Variants in AP5Z1 observed in about 807,000 individuals in gnomAD.
AP5Z1 encodes adaptor related protein complex 5 subunit zeta 1, also known as AP-5 complex subunit zeta-1.
Under a neutral mutation model 83.0 loss-of-function variants are expected in AP5Z1, and 106 were observed. The observed-to-expected ratio is 1.28, with a 90% CI of 1.09 to 1.50. AP5Z1 has a LOEUF of 1.50. AP5Z1 is among the 40% of genes most tolerant of loss of function. The pLI is 0.00. For synonymous variants in AP5Z1, 751 were observed against 514.1 expected (o/e 1.46, Z -6.23); for missense variants, 1,565 against 1,094.2 (o/e 1.43, Z -6.07).
intron 13 of AP5Z1, among the ~76,000 whole-genome samples, chr7:4,789,363 G>A (rs1361319888): frequency 6.6e-6 from 1 of 152,176 alleles, no homozygotes; most frequent in African/African-American, 2.4e-5. Flanking sequence ...GGAGCAGTTT[G>A]TCCCCCTGCT....
At chr7:4,779,221 CATAT>C (rs144468416) in intron 1 of AP5Z1, among the ~76,000 whole-genome samples, 1 of 145,186 alleles carries the variant, frequency 6.9e-6, no homozygotes, top group Non-Finnish European at 1.5e-5. Context: ...TTATGTATAA[CATAT>C]ATTAGATATA....
intron 14 of AP5Z1, 35 bp downstream of exon 14, chr7:4,789,964 G>A: frequency 6.0e-6 from 9 of 1,489,532 alleles, no homozygotes; most frequent in Non-Finnish European, 7.2e-6. Flanking sequence ...ACAGCCCTGG[G>A]CGGGTGCCTC....
At chr7:4,789,110 G>A (rs984603770) in intron 13 of AP5Z1, 159 bp downstream of exon 13, 2 of 615,066 alleles carry the variant, frequency 3.3e-6, no homozygotes, top group African/African-American at 1.9e-5. Flanking sequence ...ACATGCCACA[G>A]CCCCGGCAGG....
intron 13 of AP5Z1, 72 bp downstream of exon 13, chr7:4,789,023 G>C (rs1000364205): frequency 7.4e-7 from 1 of 1,346,938 alleles, no homozygotes; most frequent in African/African-American, 1.4e-5. Flanking sequence ...GCCAGCACTG[G>C]GGGGCCCTCT....
At chr7:4,787,561 C>A in intron 10 of AP5Z1, 73 bp from the exon 11 acceptor site, 1 of 1,509,038 alleles carries the variant, frequency 6.6e-7, no homozygotes, top group Non-Finnish European at 8.9e-7. Flanking sequence ...CTGTGGGGCC[C>A]TAGCTGGCTC....
chr7:4,788,313 A>AG lies in AP5Z1; in HGVS notation c.1595+24dup. On this transcript the variant is annotated intron_variant, in intron 12 of 16. Transcript: ENST00000649063. ...CTGAGAGGTACGGGGCCCTAGGGCC[A>AG]GGGGGCCACCAGTGGCTCAGAGAGC... The AG allele has an allele frequency of 6.4e-7, 1 of 1,562,234 alleles. No individual in the cohort carries two copies. Among genetic ancestry groups the AG allele is most frequent in the East Asian group, 2.3e-5 (1 of 42,730 alleles).
rs143100910 is a variant in AP5Z1, at chr7:4,782,352, C to T, written c.366+598C>T. On this transcript the variant is annotated intron_variant, in intron 3 of 16. Transcript: ENST00000649063. The stretch of plus-strand genomic sequence containing the variant: ...GTCCATGTCCTCCCTCCCTCTGTGT[C>T]GGGAGCAGGCCTGGGCACTCAGCGT... Among the ~76,000 whole-genome samples, 116 of 152,280 alleles carry T rather than the reference C, an allele frequency of 7.6e-4. 1 individual carries two copies. Among genetic ancestry groups the T allele is most frequent in the African/African-American group, 2.6e-3 (107 of 41,556 alleles).
intron 9 of AP5Z1, 26 bp downstream of exon 9, chr7:4,785,710 A>C (rs1436237884): frequency 6.3e-6 from 9 of 1,429,810 alleles, no homozygotes; most frequent in Non-Finnish European, 8.3e-6. Context: ...GGTGGCGCTG[A>C]CTCGGGGCTC....
chr7:4,779,890 G>A (rs1453997814), intron 1 of AP5Z1, among the ~76,000 whole-genome samples: 3 of 151,974 alleles, frequency 2.0e-5, no homozygotes, highest in East Asian at 3.9e-4. Context: ...TGATCAGCCC[G>A]CCTCGGCCTC....
intron 1 of AP5Z1, 99 bp downstream of exon 1, chr7:4,775,855 C>T: frequency 6.7e-7 from 1 of 1,495,062 alleles, no homozygotes; most frequent in Non-Finnish European, 9.0e-7. Context: ...GCCAGCCTTG[C>T]AGGAACCCGA....
In AP5Z1 at chr7:4,783,678, A is replaced by C. The variant is rs1781448794; in HGVS notation, c.512-11A>C. 6.5e-7 allele frequency: 1 copy of C among 1,548,682 alleles called. No individual in the cohort carries two copies. The highest frequency in any genetic ancestry group is 8.7e-7 in the Non-Finnish European group (1 of 1,145,634). ...CAACCTCACCTCCCCATGCCACCCCACCCACTGCAGACCAGGCCACCCTGC... is the reference window on the plus strand; with the variant it reads ...CAACCTCACCTCCCCATGCCACCCCCCCCACTGCAGACCAGGCCACCCTGC... On this transcript the variant is annotated splice_polypyrimidine_tract_variant and intron_variant, in intron 4 of 16. Coordinates refer to ENST00000649063, the MANE Select transcript of AP5Z1 (RefSeq NM_014855.3).
intron 2 of AP5Z1, 110 bp from the exon 3 acceptor site, chr7:4,781,458 A>C: frequency 6.5e-7 from 1 of 1,534,296 alleles, no homozygotes; most frequent in Non-Finnish European, 8.9e-7. Context: ...CCTCATGTAA[A>C]ATGCTCTGTC....
At chr7:4,785,242 C>T (rs1781503185) in intron 7 of AP5Z1, among the ~76,000 whole-genome samples, 173 bp from the exon 8 acceptor site, 1 of 152,218 alleles carries the variant, frequency 6.6e-6, no homozygotes, top group Non-Finnish European at 1.5e-5. Flanking sequence ...CAGCCCCCAG[C>T]CCGGCCCTGT....
chr7:4,788,948 C>T lies in AP5Z1; in HGVS notation c.1704C>T (p.Thr568=). Reference sequence around the variant, plus strand: ...TGCAGGCATTCTTCTCAGCAGTGACCCAGGTGAGCTCGCTGCCTGGGGCCC... The same window carrying T: ...TGCAGGCATTCTTCTCAGCAGTGACTCAGGTGAGCTCGCTGCCTGGGGCCC... ...TLLQAFFSAV[T]QVADGSLINQ... Residue 568 remains threonine, a synonymous_variant, in exon 13 of 17, where the codon ACC becomes ACT. Transcript: ENST00000649063. 6.2e-7 allele frequency: 1 copy of T among 1,610,802 alleles called. No homozygotes were observed. The highest frequency in any genetic ancestry group is 8.5e-7 in the Non-Finnish European group (1 of 1,179,248).
At chr7:4,785,742 G>A (rs1781523028) in intron 9 of AP5Z1, 58 bp downstream of exon 9, 3 of 1,361,150 alleles carry the variant, frequency 2.2e-6, no homozygotes, top group South Asian at 1.7e-5. Flanking sequence ...TTAGTTTTAG[G>A]ATGGAATTTC....
At chr7:4,781,778 G>C in intron 3 of AP5Z1, 24 bp downstream of exon 3, 2 of 1,519,592 alleles carry the variant, frequency 1.3e-6, no homozygotes. Context: ...CACCACCCCA[G>C]TTGGCACCGG....
rs1199193624 is a variant in AP5Z1 at position 4,791,309 on chromosome 7, C to A, written c.2348C>A (p.Ala783Asp). Residue 783 changes from alanine (A) to aspartate (D), a missense_variant, in exon 17 of 17, where the codon GCC becomes GAC. Coordinates refer to ENST00000649063, the MANE Select transcript of AP5Z1 (RefSeq NM_014855.3). Reference protein sequence around the residue: ...EVCSPRYHRDANTALPLALRT... With the variant: ...EVCSPRYHRDDNTALPLALRT... Reference sequence around the variant, plus strand: ...TGCAGCCCCCGCTATCACCGCGATGCCAACACGGCCCTGCCCCTGGCCCTG... The same window carrying A: ...TGCAGCCCCCGCTATCACCGCGATGACAACACGGCCCTGCCCCTGGCCCTG... 2.5e-6 allele frequency: 4 copies of A among 1,612,100 alleles called. No homozygotes were observed. The highest frequency in any genetic ancestry group is 3.4e-6 in the Non-Finnish European group (4 of 1,179,674).
rs891125592 is a variant in AP5Z1 at position 4,783,975 on chromosome 7, TGGG to T, written c.621+180_621+182del. On this transcript the variant is annotated intron_variant, in intron 5 of 16. Transcript: ENST00000649063. ...CACAGCCCCCTGACCCGTGTGGCTC[TGGG>T]GGTCTGTGCGCGGGTTCAGTCCCAG... 1.2e-4 allele frequency among the ~76,000 whole-genome samples: 18 copies of T among 152,124 alleles called. 1 individual carries two copies. Among genetic ancestry groups the T allele is most frequent in the African/African-American group, 4.3e-4 (18 of 41,434 alleles).
chr7:4,789,725 GTC>G, intron 13 of AP5Z1, 105 bp from the exon 14 acceptor site: 2 of 763,812 alleles, frequency 2.6e-6, no homozygotes, highest in Non-Finnish European at 4.2e-6. Flanking sequence ...TGGACGAGGA[GTC>G]TCCAGCCCCT....
Sources: allele counts gnomAD v4.1 joint callset (sites outside exome capture counted in the v4.1 genomes callset), GRCh38; gene constraint gnomAD v4.1.1; transcripts MANE v1.5; gene names NCBI Gene and HGNC (gene_info 2026-07-23, HGNC 2026-07-21).